KCNK2: variants seen among roughly 807,000 people sequenced by gnomAD.
KCNK2 encodes the protein potassium channel subfamily K member 2.
A neutral mutation model predicts 40.5 loss-of-function variants in KCNK2; 21 were observed. The observed-to-expected ratio is 0.52, with a 90% CI of 0.37 to 0.75. KCNK2 has a LOEUF of 0.75. Ranked by LOEUF, KCNK2 falls within the 30% of genes least tolerant of loss-of-function variation. The pLI is 0.00. For synonymous variants in KCNK2, 191 were observed against 202.2 expected (o/e 0.94, Z 0.47); for missense variants, 399 against 531.6 (o/e 0.75, Z 2.45).
At chr1:215,165,889 G>C (rs977755091) in intron 3 of KCNK2, among the ~76,000 whole-genome samples, 9 of 152,104 alleles carry the variant, frequency 5.9e-5, no homozygotes, top group African/African-American at 2.2e-4. Context: ...ACATAACTAA[G>C]GAATGATGGT....
At chr1:215,196,066 TG>T (rs1464904591) in intron 6 of KCNK2, among the ~76,000 whole-genome samples, 1 of 146,078 alleles carries the variant, frequency 6.8e-6, no homozygotes, top group Non-Finnish European at 1.5e-5. Flanking sequence ...ATGTTTTCTT[TG>T]AAAATTATCA....
rs756059934 is a variant in KCNK2, at chr1:215,086,531, C to T, written c.210C>T (p.Val70=). The T allele has an allele frequency of 1.9e-6, 3 of 1,614,052 alleles. No homozygotes were observed. The highest frequency in any genetic ancestry group is 1.3e-5 in the African/African-American group (1 of 74,918). The change falls in exon 2 of 7, where the codon GTC becomes GTT. Residue 70 remains valine (V), a synonymous_variant. Coordinates refer to ENST00000444842, the MANE Select transcript of KCNK2 (RefSeq NM_001017425.3). ...TCTCCACGATATTCCTGGTGGTTGT[C>T]CTCTATCTGATCATCGGAGCCACCG... ...KTVSTIFLVV[V]LYLIIGATVF... is the part of the protein sequence containing the mutation.
chr1:215,092,649 G>A (rs946243218), intron 2 of KCNK2, among the ~76,000 whole-genome samples: 11 of 152,044 alleles, frequency 7.2e-5, no homozygotes, highest in African/African-American at 2.4e-4. Context: ...GAACATTTTG[G>A]AACCAAATAG....
chr1:215,109,155 G>A (rs1011805886), intron 2 of KCNK2, among the ~76,000 whole-genome samples: 2 of 151,850 alleles, frequency 1.3e-5, no homozygotes, highest in African/African-American at 4.8e-5. Flanking sequence ...TTAAGTCAGG[G>A]TATTTAGGAT....
chr1:215,070,206 C>T (rs1197791871), intron 1 of KCNK2, among the ~76,000 whole-genome samples: 2 of 151,022 alleles, frequency 1.3e-5, no homozygotes, highest in Non-Finnish European at 2.9e-5. Flanking sequence ...GTCAGCAGAT[C>T]GTAGGCATCC....
At chr1:215,139,351 T>A (rs1291202809) in intron 3 of KCNK2, among the ~76,000 whole-genome samples, 1 of 152,240 alleles carries the variant, frequency 6.6e-6, no homozygotes, top group East Asian at 1.9e-4. Context: ...TAAGAGGTCA[T>A]GAAATTTTAA....
chr1:215,098,391 G>A (rs1056550832), intron 2 of KCNK2, among the ~76,000 whole-genome samples: 1 of 151,802 alleles, frequency 6.6e-6, no homozygotes, highest in Non-Finnish European at 1.5e-5. Flanking sequence ...ATTTGAAAAG[G>A]GCAGCCTGCT....
At chr1:215,153,915 G>A (rs1489058718) in intron 3 of KCNK2, among the ~76,000 whole-genome samples, 9 of 152,152 alleles carry the variant, frequency 5.9e-5, no homozygotes, top group African/African-American at 2.2e-4. Context: ...TCCTGCAAAG[G>A]ACATGATCTC....
chr1:215,047,930 T>C (rs1377177), intron 1 of KCNK2, among the ~76,000 whole-genome samples: 48,318 of 152,070 alleles, frequency 0.32, 9,181 homozygotes, highest in South Asian at 0.76. Context: ...TCAATGTGTG[T>C]AGATGAAAAT....
chr1:215,099,927 T>C (rs943823113), intron 2 of KCNK2, among the ~76,000 whole-genome samples: 1 of 152,048 alleles, frequency 6.6e-6, no homozygotes, highest in Non-Finnish European at 1.5e-5. Context: ...CTGTCACTAT[T>C]ATTTATATGC....
At chr1:215,108,465 C>A (rs1268373790) in intron 2 of KCNK2, among the ~76,000 whole-genome samples, 1 of 152,068 alleles carries the variant, frequency 6.6e-6, no homozygotes, top group East Asian at 1.9e-4. Context: ...TTATAGGTTA[C>A]CTTTTCATTC....
intron 1 of KCNK2, among the ~76,000 whole-genome samples, chr1:215,049,026 T>A (rs1288691992): frequency 6.6e-6 from 1 of 152,198 alleles, no homozygotes; most frequent in Non-Finnish European, 1.5e-5. Context: ...AGAATGCAAT[T>A]GCTGGGTCTT....
intron 2 of KCNK2, among the ~76,000 whole-genome samples, chr1:215,102,662 C>T (rs1438608733): frequency 6.6e-6 from 1 of 152,006 alleles, no homozygotes. Context: ...GAACAACTTT[C>T]AGTCCTGCAA....
intron 1 of KCNK2, among the ~76,000 whole-genome samples, chr1:215,019,806 C>T (rs1310350763): frequency 6.6e-6 from 1 of 152,154 alleles, no homozygotes; most frequent in African/African-American, 2.4e-5. Context: ...CGTGAAGAAA[C>T]ATTCTAGCTG....
At chr1:215,221,914 G>T (rs1558146547) in intron 6 of KCNK2, among the ~76,000 whole-genome samples, 1 of 152,208 alleles carries the variant, frequency 6.6e-6, no homozygotes, top group Admixed American at 6.5e-5. Context: ...AAGAAAAGAA[G>T]TTTAATTGGC....
At chr1:215,221,528 A>C (rs915381128) in intron 6 of KCNK2, among the ~76,000 whole-genome samples, 8 of 152,212 alleles carry the variant, frequency 5.3e-5, no homozygotes, top group Admixed American at 5.2e-4. Context: ...AGAAAATAAA[A>C]ATGTTATTTA....
At chr1:215,153,829 T>C (rs909765160) in intron 3 of KCNK2, among the ~76,000 whole-genome samples, 5 of 152,082 alleles carry the variant, frequency 3.3e-5, no homozygotes, top group Admixed American at 1.3e-4. Flanking sequence ...CTCCCACTTA[T>C]GAGTGAGAAC....
intron 6 of KCNK2, among the ~76,000 whole-genome samples, chr1:215,209,460 T>TATAATATATTA (rs1665507847): frequency 2.3e-4 from 1 of 4,280 alleles, no homozygotes; most frequent in Admixed American, 5.7e-3. Flanking sequence ...ATATTATATA[T>TATAATATATTA]TATATATAAT....
chr1:215,028,344 C>CA (rs72509558), intron 1 of KCNK2, among the ~76,000 whole-genome samples: 66,753 of 151,896 alleles, frequency 0.44, 16,351 homozygotes, highest in Non-Finnish European at 0.55. Flanking sequence ...GAGATTGTGC[C>CA]ATTGCACTCC....
Sources: gnomAD v4.1 joint callset for allele counts (sites outside exome capture counted in the v4.1 genomes callset) on GRCh38, gnomAD v4.1.1 for gene constraint, MANE v1.5 for transcripts, NCBI Gene and HGNC (gene_info 2026-07-23, HGNC 2026-07-21) for gene names.